Variants in VTI1A observed in about 807,000 individuals in gnomAD.
The protein encoded by VTI1A is vesicle transport through interaction with t-SNAREs 1A, also known as vesicle transport through interaction with t-SNAREs homolog 1A.
Under a neutral mutation model 34.9 loss-of-function variants are expected in VTI1A, and 22 were observed. The ratio of observed to expected loss-of-function variants is 0.63; its 90% CI spans 0.45 to 0.90. The LOEUF is 0.90. VTI1A is among the 40% of genes least tolerant of loss of function. The pLI is 0.00. For synonymous variants in VTI1A, 87 were observed against 97.3 expected, an observed-to-expected ratio of 0.89 and a Z score of 0.62; for missense variants, 268 against 275.6, an observed-to-expected ratio of 0.97 and a Z score of 0.20.
At chr10:112,806,883 G>A (rs1029905707) in intron 7 of VTI1A, among the ~76,000 whole-genome samples, 4 of 152,174 alleles carry the variant, frequency 2.6e-5, no homozygotes, top group Admixed American at 2.6e-4. Context: ...CAATGTACCT[G>A]GCCTTCTTCC....
intron 7 of VTI1A, among the ~76,000 whole-genome samples, chr10:112,751,612 C>A (rs1851110242): frequency 6.6e-6 from 1 of 151,516 alleles, no homozygotes. Flanking sequence ...TGTGTAGTTT[C>A]TTTGGAGGCA....
chr10:112,695,419 G>T (rs1398717882), intron 7 of VTI1A, among the ~76,000 whole-genome samples: 1 of 151,898 alleles, frequency 6.6e-6, no homozygotes, highest in Non-Finnish European at 1.5e-5. Context: ...AAAAGGCTTG[G>T]TTTATTTGCA....
the VTI1A span, among the ~76,000 whole-genome samples, chr10:112,842,050 C>CTTTTT: frequency 9.8e-4 from 91 of 93,136 alleles, 7 homozygotes; most frequent in African/African-American, 1.7e-3. Context: ...TTTTTTTTTT[C>CTTTTT]CTTTTTTTTT....
chr10:112,686,367 TA>T (rs1441417499), intron 7 of VTI1A, among the ~76,000 whole-genome samples: 2 of 152,292 alleles, frequency 1.3e-5, no homozygotes, highest in African/African-American at 2.4e-5. Context: ...GACACTTTGA[TA>T]GGGGCAGCAT....
intron 2 of VTI1A, among the ~76,000 whole-genome samples, chr10:112,463,645 C>T: frequency 6.7e-6 from 1 of 148,762 alleles, no homozygotes; most frequent in East Asian, 1.9e-4. Context: ...AAAAAAGCGC[C>T]TTGCTGTGAT....
At chr10:112,835,391 G>A in the VTI1A span, among the ~76,000 whole-genome samples, 1 of 152,158 alleles carries the variant, frequency 6.6e-6, no homozygotes, top group Non-Finnish European at 1.5e-5. Context: ...GGCCTATCTG[G>A]GGGGCCTTCG....
intron 3 of VTI1A, among the ~76,000 whole-genome samples, chr10:112,525,075 A>G (rs1850170985): frequency 6.6e-6 from 1 of 152,188 alleles, no homozygotes. Flanking sequence ...TTCAGTAAAT[A>G]CAATAAGAGA....
At chr10:112,458,947 T>A (rs150877190) in intron 1 of VTI1A, among the ~76,000 whole-genome samples, 271 of 152,278 alleles carry the variant, frequency 1.8e-3, no homozygotes, top group African/African-American at 6.3e-3. Flanking sequence ...GTTACAGGCG[T>A]GAGCCACCGC....
chr10:112,780,995 T>C (rs1430359037), intron 7 of VTI1A, among the ~76,000 whole-genome samples: 1 of 152,184 alleles, frequency 6.6e-6, no homozygotes, highest in Admixed American at 6.5e-5. Flanking sequence ...AGTCTCGCTC[T>C]GTTGCCCAGG....
At chr10:112,815,244 C>T (rs537901923) in intron 7 of VTI1A, 46 bp from the exon 8 acceptor site, 6 of 1,495,372 alleles carry the variant, frequency 4.0e-6, no homozygotes, top group Admixed American at 3.6e-5. Flanking sequence ...TGTGGGAAGG[C>T]CTTCCACTTA....
chr10:112,790,621 A>G (rs1852430184), intron 7 of VTI1A, among the ~76,000 whole-genome samples: 1 of 152,044 alleles, frequency 6.6e-6, no homozygotes, highest in South Asian at 2.1e-4. Flanking sequence ...TGGCAGCCCC[A>G]CCCTGGTAAA....
At chr10:112,737,463 T>G (rs1271132537) in intron 7 of VTI1A, 6 of 1,046,096 alleles carry the variant, frequency 5.7e-6, no homozygotes, top group Non-Finnish European at 5.8e-6. Context: ...ATAATAAGGC[T>G]GAATTTTTAA....
chr10:112,500,318 A>G (rs1275460639), intron 3 of VTI1A, among the ~76,000 whole-genome samples: 2 of 151,956 alleles, frequency 1.3e-5, no homozygotes, highest in African/African-American at 4.8e-5. Flanking sequence ...GCCTGAAGTC[A>G]CAGCAAGTCG....
At chr10:112,573,121 A>C (rs1852204001) in intron 5 of VTI1A, among the ~76,000 whole-genome samples, 2 of 152,076 alleles carry the variant, frequency 1.3e-5, no homozygotes, top group South Asian at 2.1e-4. Context: ...GCAAATTTTG[A>C]GAATTGTTGC....
chr10:112,729,595 C>T (rs574580599), intron 7 of VTI1A, among the ~76,000 whole-genome samples: 76 of 152,304 alleles, frequency 5.0e-4, no homozygotes, highest in African/African-American at 1.8e-3. Context: ...AAATAGACCA[C>T]ATGCGAAATA....
At chr10:112,793,977 G>A (rs1006011454) in intron 7 of VTI1A, among the ~76,000 whole-genome samples, 7 of 152,276 alleles carry the variant, frequency 4.6e-5, no homozygotes, top group Non-Finnish European at 1.0e-4. Context: ...GCATAAAGAA[G>A]ATGAAGTGCC....
intron 5 of VTI1A, among the ~76,000 whole-genome samples, chr10:112,664,782 C>G (rs1847584012): frequency 6.6e-6 from 1 of 152,064 alleles, no homozygotes; most frequent in South Asian, 2.1e-4. Context: ...GAGCTCTACT[C>G]CCAGGATGAT....
At chr10:112,645,030 C>A (rs919633912) in intron 5 of VTI1A, among the ~76,000 whole-genome samples, 1 of 152,178 alleles carries the variant, frequency 6.6e-6, no homozygotes, top group African/African-American at 2.4e-5. Flanking sequence ...GAAGTAACCT[C>A]AAAGTTTTCT....
At chr10:112,643,282 A>G (rs931347569) in intron 5 of VTI1A, among the ~76,000 whole-genome samples, 2 of 150,562 alleles carry the variant, frequency 1.3e-5, no homozygotes, top group Non-Finnish European at 2.9e-5. Flanking sequence ...TACAGGTGTG[A>G]GCCACAGTGT....
Sources: allele counts gnomAD v4.1 joint callset (sites outside exome capture counted in the v4.1 genomes callset), GRCh38; gene constraint gnomAD v4.1.1; transcripts MANE v1.5; gene names NCBI Gene and HGNC (gene_info 2026-07-23, HGNC 2026-07-21).